Variants in CCDC191 observed in about 807,000 individuals in gnomAD.
CCDC191 encodes the protein coiled-coil domain-containing protein 191.
Under a neutral mutation model 114.0 loss-of-function variants are expected in CCDC191, and 99 were observed. That is an observed-to-expected ratio of 0.87 (90% CI 0.74 to 1.03). The LOEUF (loss-of-function observed/expected upper bound fraction) is 1.03. Among genes scored for constraint, CCDC191 ranks in the 50% least tolerant of loss-of-function variants. The probability of loss-of-function intolerance (pLI) is 0.00; values close to 1 mark genes in which losing one functional copy is unlikely to be tolerated. For synonymous variants in CCDC191, 351 were observed against 376.0 expected, an observed-to-expected ratio of 0.93 and a Z score of 0.77; for missense variants, 973 against 1,087.0, an observed-to-expected ratio of 0.90 and a Z score of 1.47.
At chr3:113,982,522 GA>G (rs1187202932) in intron 13 of CCDC191, among the ~76,000 whole-genome samples, 1 of 151,960 alleles carries the variant, frequency 6.6e-6, no homozygotes, top group Non-Finnish European at 1.5e-5. Flanking sequence ...GGGTTTCATA[GA>G]ACACAGATCA....
intron 11 of CCDC191, chr3:114,004,349 T>TC: frequency 9.8e-7 from 1 of 1,015,318 alleles, no homozygotes; most frequent in African/African-American, 1.7e-5. Flanking sequence ...CCTTTTTTTT[T>TC]CACAATCCAA....
intron 3 of CCDC191, among the ~76,000 whole-genome samples, chr3:114,045,593 A>T (rs777677958): frequency 5.3e-5 from 8 of 151,970 alleles, no homozygotes; most frequent in Non-Finnish European, 1.0e-4. Context: ...AAACCCTTCA[A>T]TTCTATCCTG....
chr3:114,008,737 A>C (rs2076016987), intron 9 of CCDC191, among the ~76,000 whole-genome samples: 1 of 152,172 alleles, frequency 6.6e-6, no homozygotes, highest in Non-Finnish European at 1.5e-5. Flanking sequence ...ACTCTTATAA[A>C]TAAGAAAAAG....
chr3:114,046,168 C>T (rs560571609), intron 3 of CCDC191, among the ~76,000 whole-genome samples: 4 of 152,196 alleles, frequency 2.6e-5, no homozygotes, highest in East Asian at 3.9e-4. Flanking sequence ...GCATCAGTAA[C>T]GAAAATACCA....
chr3:113,997,452 C>A (rs2075753099), intron 13 of CCDC191, among the ~76,000 whole-genome samples: 1 of 152,152 alleles, frequency 6.6e-6, no homozygotes, highest in Non-Finnish European at 1.5e-5. Flanking sequence ...AGCAATTAGA[C>A]CCTCAGTACT....
chr3:114,037,636 T>A lies in CCDC191; in HGVS notation c.416-850A>T, dbSNP rs1016174700. Among the ~76,000 whole-genome samples, 5 of 152,186 alleles carry A rather than the reference T, an allele frequency of 3.3e-5. No individual in the cohort carries two copies. In the South Asian group the frequency reaches 1.0e-3, roughly 32 times the overall value. On this transcript the variant is annotated intron_variant, in intron 4 of 16. Coordinates refer to ENST00000295878, the MANE Select transcript of CCDC191 (RefSeq NM_020817.2). Reference sequence around the variant, plus strand: ...ACATCTGTGTACAGTCATCCCTCCATATCTCTGGGGGATTGGTTCCAGGAC... The same window carrying A: ...ACATCTGTGTACAGTCATCCCTCCAAATCTCTGGGGGATTGGTTCCAGGAC...
chr3:113,996,054 TTTTCTCCC>T lies in CCDC191; in HGVS notation c.2163+5533_2163+5540del, dbSNP rs767441444. ...TTGTCAGATGGATAGATTGCAAAAA[TTTTCTCCC>T]TTTCTGTAGGTTCCTATTCACTTTT... is the stretch of plus-strand genomic sequence containing the variant. On this transcript the variant is annotated intron_variant, in intron 13 of 16. Transcript: ENST00000295878. 9.3e-4 allele frequency among the ~76,000 whole-genome samples: 141 copies of T among 152,304 alleles called. 2 individuals are homozygous for T. The highest frequency in any genetic ancestry group is 1.6e-4 in the Non-Finnish European group (11 of 68,028).
chr3:113,974,625 C>T (rs1039288787), intron 16 of CCDC191, among the ~76,000 whole-genome samples: 1 of 151,980 alleles, frequency 6.6e-6, no homozygotes, highest in Non-Finnish European at 1.5e-5. Flanking sequence ...GGCCAACTCG[C>T]TGTTGTTTCT....
At chr3:114,033,350 G>A (rs1205741445) in intron 6 of CCDC191, among the ~76,000 whole-genome samples, 2 of 152,122 alleles carry the variant, frequency 1.3e-5, no homozygotes, top group Non-Finnish European at 2.9e-5. Flanking sequence ...ATTTACGAAA[G>A]TCTGTTATTA....
At chr3:114,029,526 AG>A (rs2076374517) in intron 7 of CCDC191, among the ~76,000 whole-genome samples, 1 of 152,212 alleles carries the variant, frequency 6.6e-6, no homozygotes, top group Non-Finnish European at 1.5e-5. Context: ...CAATTGTTGC[AG>A]GCAAGAGCCA....
rs1347620739 is a variant in CCDC191, at chr3:113,964,456, G to A, written c.*699C>T. ...CTGAGTACTAGAAGACAAACTGAGT[G>A]TATTATTCAGCAGTTGCAGGTGGGA... On this transcript the variant is annotated 3_prime_UTR_variant, in exon 17 of 17. Coordinates refer to ENST00000295878, the MANE Select transcript of CCDC191 (RefSeq NM_020817.2). 2 of 152,170 alleles carry A rather than the reference G, an allele frequency of 1.3e-5. No homozygotes were observed. Among genetic ancestry groups the A allele is most frequent in the Admixed American group, 6.5e-5 (1 of 15,278 alleles). The allele number at this position is 152,170 out of a possible 1,614,324, so 9.4% of individuals were successfully genotyped here.
chr3:114,002,761 A>G (rs1255154634), intron 11 of CCDC191: 1 of 927,026 alleles, frequency 1.1e-6, no homozygotes, highest in Non-Finnish European at 1.3e-6. Context: ...GGAACAATTT[A>G]TAAATTAATT....
At chr3:114,053,425 C>T (rs755364308) in intron 2 of CCDC191, among the ~76,000 whole-genome samples, 172 bp downstream of exon 2, 1 of 151,960 alleles carries the variant, frequency 6.6e-6, no homozygotes, top group South Asian at 2.1e-4. Context: ...TGAGAGGCAA[C>T]AGAATTATGA....
At chr3:113,983,202 G>A (rs552407185) in intron 13 of CCDC191, among the ~76,000 whole-genome samples, 215 of 152,080 alleles carry the variant, frequency 1.4e-3, no homozygotes, top group Non-Finnish European at 2.2e-3. Context: ...TTTTTCTCTT[G>A]GTGTTTTGAT....
At chr3:114,024,703 G>A (rs1181990756) in intron 7 of CCDC191, among the ~76,000 whole-genome samples, 1 of 152,112 alleles carries the variant, frequency 6.6e-6, no homozygotes, top group South Asian at 2.1e-4. Flanking sequence ...GCTGTTGTGG[G>A]GTAGGGGGAG....
Position 114,034,899 on chromosome 3 carries a change from C to T in CCDC191, c.818+26G>A, listed in dbSNP as rs1321352184. 8 of 1,595,556 alleles carry T rather than the reference C, an allele frequency of 5.0e-6. No homozygotes were observed. In the African/African-American group the frequency reaches 8.1e-5, roughly 16 times the overall value. On this transcript the variant is annotated intron_variant, in intron 6 of 16. Transcript: ENST00000295878. ...AAATGACTGCTTAAACAGAGAAACC[C>T]CACAGTGCTTATCACACTGGCTTAC... is the stretch of plus-strand genomic sequence containing the variant.
intron 12 of CCDC191, 74 bp from the exon 13 acceptor site, chr3:114,001,770 AG>A (rs1203366216): frequency 8.9e-6 from 14 of 1,580,346 alleles, no homozygotes; most frequent in African/African-American, 8.2e-5. Context: ...TGTTTAGGAT[AG>A]TCAAGCGTCT....
At chr3:114,029,880 G>A (rs1040134410) in intron 7 of CCDC191, among the ~76,000 whole-genome samples, 18 of 152,144 alleles carry the variant, frequency 1.2e-4, no homozygotes, top group East Asian at 3.9e-4. Context: ...TAAAAGACAC[G>A]GAAAGACTAA....
chr3:113,986,096 T>C (rs1268745715), intron 13 of CCDC191, among the ~76,000 whole-genome samples: 1 of 151,916 alleles, frequency 6.6e-6, no homozygotes, highest in East Asian at 1.9e-4. Flanking sequence ...TCATTCCAGA[T>C]CAGATAGGTA....
Sources: allele counts gnomAD v4.1 joint callset (sites outside exome capture counted in the v4.1 genomes callset), GRCh38; gene constraint gnomAD v4.1.1; transcripts MANE v1.5; gene names NCBI Gene and HGNC (gene_info 2026-07-23, HGNC 2026-07-21).